The following CR1L variants were observed in gnomAD, a reference collection of about 807,000 sequenced individuals.
CR1L encodes the protein complement component receptor 1-like protein.
In CR1L, 59 loss-of-function variants were observed where a neutral mutation model predicts 62.3. The ratio of observed to expected loss-of-function variants is 0.95; its 90% confidence interval spans 0.77 to 1.18. CR1L has a LOEUF of 1.18. Among genes scored for constraint, CR1L ranks in the 50% most tolerant of loss-of-function variants. The probability of loss-of-function intolerance (pLI) is 0.00; values close to 1 mark genes in which losing one functional copy is unlikely to be tolerated. For missense variants in CR1L, 700 were observed against 702.8 expected (o/e 1.00, Z 0.04); for synonymous variants, 279 against 248.7 (o/e 1.12, Z -1.15).
chr1:207,656,912 A>G (rs2102442946), intron 1 of CR1L, among the ~76,000 whole-genome samples: 1 of 152,332 alleles, frequency 6.6e-6, no homozygotes, highest in East Asian at 1.9e-4. Flanking sequence ...ACACTTTAAG[A>G]AAATGAGATT....
chr1:207,669,444 G>A (rs1217317929), intron 1 of CR1L: 2 of 1,362,044 alleles, frequency 1.5e-6, no homozygotes, highest in Admixed American at 1.7e-5. Flanking sequence ...GCTTCGGGAG[G>A]ATGGGGGTCT....
chr1:207,684,383 A>T (rs1243695202), intron 4 of CR1L, among the ~76,000 whole-genome samples: 1 of 152,218 alleles, frequency 6.6e-6, no homozygotes, highest in Non-Finnish European at 1.5e-5. Flanking sequence ...CATGCACTAT[A>T]AACCTCAGAA....
At chr1:207,668,088 C>T (rs555088744) in intron 1 of CR1L, among the ~76,000 whole-genome samples, 43 of 150,924 alleles carry the variant, frequency 2.8e-4, no homozygotes, top group Admixed American at 6.6e-4. Context: ...ATTAATATGG[C>T]CATTATGGGA....
At chr1:207,706,442 C>T (rs375426860) in intron 9 of CR1L, among the ~76,000 whole-genome samples, 94 of 151,444 alleles carry the variant, frequency 6.2e-4, no homozygotes, top group Middle Eastern at 6.8e-3. Flanking sequence ...AAAGAGAAGA[C>T]GTATGTAAGA....
At chr1:207,674,771 T>C (rs1442037490) in intron 1 of CR1L, among the ~76,000 whole-genome samples, 1 of 152,146 alleles carries the variant, frequency 6.6e-6, no homozygotes. Flanking sequence ...CATCAATGCA[T>C]AAGACACATA....
intron 1 of CR1L, 26 bp from the exon 2 acceptor site, chr1:207,677,363 G>C: frequency 8.3e-7 from 1 of 1,203,182 alleles, no homozygotes; most frequent in Non-Finnish European, 1.1e-6. Context: ...CATTAACTTC[G>C]ATGCTGCTGT....
At chr1:207,669,474 G>A in intron 1 of CR1L, 3 of 1,539,570 alleles carry the variant, frequency 1.9e-6, no homozygotes, top group Non-Finnish European at 2.7e-6. Flanking sequence ...GAAGCCGGGA[G>A]CCTGTTGGGC....
intron 10 of CR1L, among the ~76,000 whole-genome samples, chr1:207,715,719 T>C (rs559704802): frequency 0.023 from 3,446 of 152,200 alleles, 127 homozygotes; most frequent in African/African-American, 0.077. Context: ...ATTTTTTTTT[T>C]CTTTTTTGAG....
At chr1:207,680,316 T>C (rs894590192) in intron 3 of CR1L, among the ~76,000 whole-genome samples, 2 of 152,114 alleles carry the variant, frequency 1.3e-5, no homozygotes, top group African/African-American at 4.8e-5. Flanking sequence ...TAAAAGTAAA[T>C]ACACAGGCAC....
chr1:207,703,197 G>A (rs1434561357), intron 9 of CR1L, among the ~76,000 whole-genome samples: 1 of 152,168 alleles, frequency 6.6e-6, no homozygotes, highest in African/African-American at 2.4e-5. Flanking sequence ...ATAAATAGCA[G>A]ATTCTCCATG....
chr1:207,679,380 T>C (rs1663760740), intron 3 of CR1L, among the ~76,000 whole-genome samples: 1 of 152,018 alleles, frequency 6.6e-6, no homozygotes, highest in African/African-American at 2.4e-5. Context: ...CTTAACTTGA[T>C]TGCCTCTGCA....
intron 1 of CR1L, among the ~76,000 whole-genome samples, chr1:207,671,697 A>G (rs1258228679): frequency 6.6e-6 from 1 of 150,890 alleles, no homozygotes; most frequent in Non-Finnish European, 1.5e-5. Flanking sequence ...GAGGCAGGGT[A>G]GATAACTTGA....
intron 10 of CR1L, among the ~76,000 whole-genome samples, chr1:207,711,857 C>T (rs191999270): frequency 3.7e-3 from 560 of 150,982 alleles, no homozygotes; most frequent in African/African-American, 0.013. Flanking sequence ...TAAGATCACA[C>T]GACTGTGCTC....
At chr1:207,710,594 A>T in intron 10 of CR1L, 1 of 1,610,176 alleles carries the variant, frequency 6.2e-7, no homozygotes, top group East Asian at 2.2e-5. Flanking sequence ...TCAGTGCATT[A>T]TACCTAACAA....
At chr1:207,716,795 C>T (rs1394352897) in intron 10 of CR1L, among the ~76,000 whole-genome samples, 1 of 152,110 alleles carries the variant, frequency 6.6e-6, no homozygotes, top group Non-Finnish European at 1.5e-5. Flanking sequence ...GGTATCTCTT[C>T]CTAAATTCAT....
intron 4 of CR1L, among the ~76,000 whole-genome samples, chr1:207,694,058 G>A (rs943852194): frequency 1.3e-5 from 2 of 152,086 alleles, no homozygotes; most frequent in African/African-American, 4.8e-5. Context: ...GAAAGCAAAT[G>A]AAAAGAGTAG....
intron 1 of CR1L, among the ~76,000 whole-genome samples, chr1:207,652,199 T>C (rs1266746982): frequency 2.6e-5 from 4 of 152,238 alleles, no homozygotes; most frequent in Non-Finnish European, 4.4e-5. Context: ...CTCTATACTG[T>C]AGATGACTTC....
intron 8 of CR1L, 150 bp downstream of exon 8, chr1:207,699,424 C>G: frequency 1.1e-6 from 1 of 892,946 alleles, no homozygotes; most frequent in Non-Finnish European, 1.7e-6. Flanking sequence ...GGTTGTGAAT[C>G]AATGTGTACA....
rs367678049 is a variant in CR1L at position 207,663,842 on chromosome 1, CTT to C, written c.98-13545_98-13544del. ...CTGAGTTTGTTCCTACTGCAGGACT[CTT>C]TGATTTTCTGGAGTGCAACCAGTTT... is the stretch of plus-strand genomic sequence containing the variant. On this transcript the variant is annotated intron_variant, in intron 1 of 11. Transcript: ENST00000508064. Among the ~76,000 whole-genome samples the C allele has an allele frequency of 1.6e-3, 242 of 152,288 alleles. 2 individuals carry two copies. The highest frequency in any genetic ancestry group is 3.9e-3 in the African/African-American group (160 of 41,544).
Sources: allele counts gnomAD v4.1 joint callset (sites outside exome capture counted in the v4.1 genomes callset), GRCh38; gene constraint gnomAD v4.1.1; transcripts MANE v1.5; gene names NCBI Gene and HGNC (gene_info 2026-07-23, HGNC 2026-07-21).